EVC2: variants seen among roughly 807,000 people sequenced by gnomAD.
EVC2 encodes EvC ciliary complex subunit 2.
Under a neutral mutation model 149.3 loss-of-function variants are expected in EVC2, and 148 were observed. The ratio of observed to expected loss-of-function variants is 0.99; its 90% CI spans 0.87 to 1.14. The LOEUF is 1.14. Among genes scored for constraint, EVC2 ranks in the 50% most tolerant of loss-of-function variants. The pLI, the probability that EVC2 is intolerant of heterozygous loss-of-function variation, is 0.00. For missense variants in EVC2, 1,854 were observed against 1,627.3 expected, an observed-to-expected ratio of 1.14 and a Z score of -2.40; for synonymous variants, 776 against 649.9, an observed-to-expected ratio of 1.19 and a Z score of -2.95.
intron 11 of EVC2, among the ~76,000 whole-genome samples, chr4:5,629,783 G>A (rs942509057): frequency 4.6e-5 from 7 of 152,224 alleles, no homozygotes; most frequent in Non-Finnish European, 1.0e-4. Flanking sequence ...TAACAGGAAG[G>A]TTACAGCAAT....
chr4:5,700,693 G>T (rs1415730421), intron 1 of EVC2, among the ~76,000 whole-genome samples: 1 of 152,050 alleles, frequency 6.6e-6, no homozygotes, highest in Non-Finnish European at 1.5e-5. Context: ...TACCTCTCTG[G>T]GGACTCCAGC....
chr4:5,588,502 C>T (rs1712497794), intron 16 of EVC2, among the ~76,000 whole-genome samples: 1 of 152,088 alleles, frequency 6.6e-6, no homozygotes, highest in South Asian at 2.1e-4. Context: ...TTTTCTCTCT[C>T]CTCTTCTCCA....
chr4:5,602,594 A>G (rs1161269189), intron 16 of EVC2, among the ~76,000 whole-genome samples: 2 of 152,128 alleles, frequency 1.3e-5, no homozygotes, highest in Non-Finnish European at 2.9e-5. Context: ...AAACTAAAGA[A>G]CAATATTAAC....
At chr4:5,655,492 C>T (rs1286557668) in intron 9 of EVC2, among the ~76,000 whole-genome samples, 1 of 152,166 alleles carries the variant, frequency 6.6e-6, no homozygotes, top group Non-Finnish European at 1.5e-5. Flanking sequence ...TCCTCTGGCA[C>T]ACGTTCCCTC....
In EVC2 at chr4:5,613,886, G is replaced by A. The variant is rs140399715; in HGVS notation, c.2829+1536C>T. On this transcript the variant is annotated intron_variant, in intron 16 of 21. Transcript: ENST00000344408. The surrounding 1 kb of genome is among the most constrained non-coding windows in gnomAD (Gnocchi z 4.6). ...TCAACAACCTGGACACACCTGATGGGAGACACTGAGCCCAGAGCAGTTTCT... is the reference window on the plus strand; with the variant it reads ...TCAACAACCTGGACACACCTGATGGAAGACACTGAGCCCAGAGCAGTTTCT... 6.6e-6 allele frequency among the ~76,000 whole-genome samples: 1 copy of A among 152,280 alleles called. No individual in the cohort carries two copies. The highest frequency in any genetic ancestry group is 1.9e-4 in the East Asian group (1 of 5,184).
chr4:5,696,417 A>G lies in EVC2; in HGVS notation c.283+1176T>C, dbSNP rs536990787. Among the ~76,000 whole-genome samples, 9 of 152,242 alleles carry G rather than the reference A, an allele frequency of 5.9e-5. No homozygotes were observed. Among genetic ancestry groups the G allele is most frequent in the African/African-American group, 2.2e-4 (9 of 41,550 alleles). On this transcript the variant is annotated intron_variant, in intron 2 of 21. Coordinates refer to ENST00000344408, the MANE Select transcript of EVC2 (RefSeq NM_147127.5). This position sits in a 1 kb window ranked among gnomAD's most constrained non-coding sequence, Gnocchi z 4.1. ...AGCCCATCCCATTCCCCAGGACACC[A>G]GAGTTAGGCACAGAACCCAGACAAC...
chr4:5,631,566 C>CTG lies in EVC2; in HGVS notation c.1710+225_1710+226dup, dbSNP rs1553837134. On this transcript the variant is annotated intron_variant, in intron 11 of 21. Transcript: ENST00000344408. ...AACTTGCTCAAGTTCACGCAGTAGA[C>CTG]TGGGGGGGGGAACTGAAATTCCAAT... Among the ~76,000 whole-genome samples the CTG allele has an allele frequency of 3.5e-3, 442 of 125,254 alleles. 21 individuals carry two copies. In the East Asian group the frequency reaches 0.13, roughly 36 times the overall value. 82.2% of individuals were successfully genotyped at this position (125,254 alleles called of 152,430 possible).
At position 5,622,025 on chromosome 4, in the gene EVC2, G is replaced by A. The variant is rs1419707504; in HGVS notation, c.2501+512C>T. Among the ~76,000 whole-genome samples the A allele has an allele frequency of 6.6e-6, 1 of 151,960 alleles. No individual in the cohort carries two copies. The highest frequency in any genetic ancestry group is 1.5e-5 in the Non-Finnish European group (1 of 67,986). ...GGATGAAAGGGCCAGGTGAAAAGAT[G>A]ATGCAGTGTGGTGGAAGAACTAACA... On this transcript the variant is annotated intron_variant, in intron 14 of 21. Transcript: ENST00000344408. This position sits in a 1 kb window ranked among gnomAD's most constrained non-coding sequence, Gnocchi z 5.8.
At position 5,689,345 on chromosome 4, in the gene EVC2, T is replaced by C; in HGVS notation, c.520-2A>G. ...CTGTGCTTCACTCGACCCAGACACCTAGGGCAGAAGGAGAAGGCATGAGGG... is the reference window on the plus strand; with the variant it reads ...CTGTGCTTCACTCGACCCAGACACCCAGGGCAGAAGGAGAAGGCATGAGGG... On this transcript the variant is annotated splice_acceptor_variant, in intron 4 of 21. Coordinates refer to ENST00000344408, the MANE Select transcript of EVC2 (RefSeq NM_147127.5). LOFTEE classifies it high-confidence loss of function. 6.2e-7 allele frequency: 1 copy of C among 1,614,004 alleles called. No homozygotes were observed. Among genetic ancestry groups the C allele is most frequent in the Non-Finnish European group, 8.5e-7 (1 of 1,180,018 alleles).
At chr4:5,587,044 G>A (rs1361378966) in intron 16 of EVC2, among the ~76,000 whole-genome samples, 1 of 152,006 alleles carries the variant, frequency 6.6e-6, no homozygotes, top group Non-Finnish European at 1.5e-5. Context: ...ACATTTAATT[G>A]TACATACGTT....
chr4:5,571,735 T>C (rs1377535080), intron 19 of EVC2, among the ~76,000 whole-genome samples: 1 of 152,192 alleles, frequency 6.6e-6, no homozygotes, highest in Non-Finnish European at 1.5e-5. Flanking sequence ...ATGTGTCCAT[T>C]TGGCTGGGCC....
In EVC2 at chr4:5,564,386, T is replaced by C. The variant is rs961804305; in HGVS notation, c.3659+872A>G. 2.6e-5 allele frequency among the ~76,000 whole-genome samples: 4 copies of C among 152,254 alleles called. No individual in the cohort carries two copies. In the East Asian group the frequency reaches 5.8e-4, roughly 22 times the overall value. On this transcript the variant is annotated intron_variant, in intron 21 of 21. Transcript: ENST00000344408. ...TGAATTTAATTTTCTTTTTCTAGGA[T>C]TGCATGTACTTCTCTTGGCCAATAT...
At chr4:5,571,868 G>A (rs142916085) in intron 19 of EVC2, among the ~76,000 whole-genome samples, 1,784 of 152,274 alleles carry the variant, frequency 0.012, 13 homozygotes, top group Non-Finnish European at 0.016. Flanking sequence ...AATGTGGCTG[G>A]CCTCAGCCAT....
chr4:5,684,146 C>A (rs1424481749), intron 6 of EVC2, among the ~76,000 whole-genome samples: 1 of 152,134 alleles, frequency 6.6e-6, no homozygotes, highest in African/African-American at 2.4e-5. Flanking sequence ...CCATTTTATC[C>A]ATGTTTTCCA....
At chr4:5,629,340 C>T (rs1716360391) in intron 11 of EVC2, among the ~76,000 whole-genome samples, 1 of 152,160 alleles carries the variant, frequency 6.6e-6, no homozygotes, top group Non-Finnish European at 1.5e-5. Flanking sequence ...TACTATTATT[C>T]CCATTTCACA....
downstream of EVC2, among the ~76,000 whole-genome samples, chr4:5,560,305 G>A (rs1721913598): frequency 6.6e-6 from 1 of 152,104 alleles, no homozygotes; most frequent in Non-Finnish European, 1.5e-5. The surrounding 1 kb of genome is among the most constrained non-coding windows in gnomAD (Gnocchi z 4.1). Context: ...TCACATTGCT[G>A]TAAGGAAATA....
At chr4:5,571,311 C>A (rs1332979161) in intron 19 of EVC2, among the ~76,000 whole-genome samples, 1 of 91,608 alleles carries the variant, frequency 1.1e-5, no homozygotes, top group Non-Finnish European at 2.1e-5. Context: ...GAGTGAGACT[C>A]CATCTCAAAA....
Position 5,618,740 on chromosome 4 carries a change from G to C in EVC2, c.2502-58C>G. The C allele has an allele frequency of 6.7e-7, 1 of 1,499,698 alleles. No homozygotes were observed. The highest frequency in any genetic ancestry group is 9.1e-7 in the Non-Finnish European group (1 of 1,099,902). 92.9% of individuals were successfully genotyped at this position (1,499,698 alleles called of 1,614,324 possible). A position where few individuals can be genotyped will look rare whatever the true frequency, so the allele number is the denominator to read the frequency against. On this transcript the variant is annotated intron_variant, in intron 14 of 21. Transcript: ENST00000344408. The surrounding 1 kb of genome is among the most constrained non-coding windows in gnomAD (Gnocchi z 4.4). ...CAGAGAAAGCCTGGGGGCTGGGCTG[G>C]GGTGAAGAAGCCAGAGATGCAAAGC...
chr4:5,652,720 C>T (rs1345011613), intron 9 of EVC2, among the ~76,000 whole-genome samples: 2 of 152,132 alleles, frequency 1.3e-5, no homozygotes, highest in Non-Finnish European at 2.9e-5. Flanking sequence ...CTAGAGGATG[C>T]ATCATTGGGG....
Sources: gnomAD v4.1 joint callset for allele counts (sites outside exome capture counted in the v4.1 genomes callset) on GRCh38, gnomAD v4.1.1 for gene constraint, Gnocchi (gnomAD v3.1) non-coding constraint, MANE v1.5 for transcripts, NCBI Gene and HGNC (gene_info 2026-07-23, HGNC 2026-07-21) for gene names.